Variants in ST3GAL5 observed in about 807,000 individuals in gnomAD.
ST3GAL5 encodes the protein ST3 beta-galactoside alpha-2,3-sialyltransferase 5, also known as lactosylceramide alpha-2,3-sialyltransferase.
A neutral mutation model predicts 46.1 loss-of-function variants in ST3GAL5; 25 were observed. That is an observed-to-expected ratio of 0.54 (90% confidence interval 0.40 to 0.76). ST3GAL5 has a LOEUF of 0.76. Ranked by LOEUF, ST3GAL5 falls within the 30% of genes least tolerant of loss-of-function variation. ST3GAL5 has a pLI of 0.00. For synonymous variants in ST3GAL5, 182 were observed against 192.7 expected, an observed-to-expected ratio of 0.94 and a Z score of 0.46; for missense variants, 431 against 521.2, an observed-to-expected ratio of 0.83 and a Z score of 1.69.
chr2:85,888,913 A>G lies in ST3GAL5; in HGVS notation c.-8T>C. On this transcript the variant is annotated 5_prime_UTR_variant, in exon 1 of 7. Coordinates refer to ENST00000638572, the MANE Select transcript of ST3GAL5 (RefSeq NM_003896.4). ...CGCCGCCTTCGTCCGCATACTAATG[A>G]GGGGGCGCCGGCCGGCCGCCAGCCC... is the stretch of plus-strand genomic sequence containing the variant. 1 of 1,351,006 alleles carries G rather than the reference A, an allele frequency of 7.4e-7. No homozygotes were observed. The highest frequency in any genetic ancestry group is 9.6e-7 in the Non-Finnish European group (1 of 1,044,980). The allele number at this position is 1,351,006 out of a possible 1,614,324, so 83.7% of individuals were successfully genotyped here. A position where few individuals can be genotyped will look rare whatever the true frequency, so the allele number is the denominator to read the frequency against.
chr2:85,868,797 T>C (rs1685580444), intron 1 of ST3GAL5, among the ~76,000 whole-genome samples: 3 of 151,934 alleles, frequency 2.0e-5, no homozygotes, highest in Admixed American at 6.6e-5. Context: ...TTTTGTATTT[T>C]TAGTACAGAC....
chr2:85,854,199 C>A (rs775999373), intron 3 of ST3GAL5: 6 of 152,070 alleles, frequency 3.9e-5, no homozygotes. Flanking sequence ...TTTTAGAAAT[C>A]GCTCAGCACT....
At chr2:85,874,433 C>T (rs1247685413) in intron 1 of ST3GAL5, among the ~76,000 whole-genome samples, 1 of 152,116 alleles carries the variant, frequency 6.6e-6, no homozygotes, top group Non-Finnish European at 1.5e-5. Context: ...CTCTCCTCCT[C>T]ACTCCATGTC....
chr2:85,883,853 C>A (rs149569874), intron 1 of ST3GAL5, among the ~76,000 whole-genome samples: 1 of 152,182 alleles, frequency 6.6e-6, no homozygotes, highest in East Asian at 1.9e-4. Flanking sequence ...AGTCCTCTCA[C>A]GAAGCAGGAC....
At chr2:85,859,154 G>A (rs1157378186) in intron 3 of ST3GAL5, among the ~76,000 whole-genome samples, 1 of 152,196 alleles carries the variant, frequency 6.6e-6, no homozygotes, top group Admixed American at 6.5e-5. Context: ...AGTATTCTTG[G>A]CCCTTGTACA....
At position 85,848,013 on chromosome 2, in the gene ST3GAL5, T is replaced by C; in HGVS notation, c.510A>G (p.Lys170=). 6.2e-7 allele frequency: 1 copy of C among 1,614,168 alleles called. No homozygotes were observed. The highest frequency in any genetic ancestry group is 1.7e-5 in the Admixed American group (1 of 60,016). The change falls in exon 4 of 7, where the codon AAA becomes AAG. Residue 170 remains lysine, a synonymous_variant. Coordinates refer to ENST00000638572, the MANE Select transcript of ST3GAL5 (RefSeq NM_003896.4). The part of the protein sequence containing the change: ...PPFGFRKFSS[K]VQTLLELLPE... ...GCAAGAGTTCCAAGAGGGTCTGGAC[T>C]TTACTGGAGAACTTCCGGAACCCAA...
intron 3 of ST3GAL5, among the ~76,000 whole-genome samples, chr2:85,856,917 T>A (rs1573628807): frequency 6.7e-6 from 1 of 150,074 alleles, no homozygotes; most frequent in African/African-American, 2.5e-5. Flanking sequence ...GTTAATTATA[T>A]CTCAATAAAA....
chr2:85,876,874 A>G (rs1010806081), intron 1 of ST3GAL5, among the ~76,000 whole-genome samples: 2 of 152,198 alleles, frequency 1.3e-5, no homozygotes, highest in East Asian at 1.9e-4. Context: ...GAAAAGCCCT[A>G]TGGTGGCTTC....
chr2:85,861,389 T>C (rs1383817831), intron 2 of ST3GAL5, 97 bp from the exon 3 acceptor site: 2 of 801,226 alleles, frequency 2.5e-6, no homozygotes, highest in Non-Finnish European at 2.2e-6. Flanking sequence ...GTCTGCCTGC[T>C]ATGCAGCATA....
intron 1 of ST3GAL5, among the ~76,000 whole-genome samples, chr2:85,879,786 C>T (rs948152627): frequency 6.6e-6 from 1 of 152,138 alleles, no homozygotes; most frequent in African/African-American, 2.4e-5. Context: ...AATTCTGGGA[C>T]CCAGTACCCA....
chr2:85,888,936 C>T lies in ST3GAL5; in HGVS notation c.-31G>A. ...TGAGGGGGCGCCGGCCGGCCGCCAG[C>T]CCGGTACCCCGCGCCCCCACCCGCC... On this transcript the variant is annotated 5_prime_UTR_variant, in exon 1 of 7. Coordinates refer to ENST00000638572, the MANE Select transcript of ST3GAL5 (RefSeq NM_003896.4). The T allele has an allele frequency of 7.7e-7, 1 of 1,304,966 alleles. No individual in the cohort carries two copies. The highest frequency in any genetic ancestry group is 9.8e-7 in the Non-Finnish European group (1 of 1,025,212). 80.8% of individuals were successfully genotyped at this position (1,304,966 alleles called of 1,614,324 possible).
At chr2:85,867,811 G>T (rs1163040789) in intron 1 of ST3GAL5, 1 of 647,862 alleles carries the variant, frequency 1.5e-6, no homozygotes, top group South Asian at 1.7e-5. Context: ...TGACCTAAGG[G>T]CAAGATTTAC....
chr2:85,851,437 G>A (rs1439341638), intron 3 of ST3GAL5: 12 of 1,218,740 alleles, frequency 9.8e-6, no homozygotes, highest in Non-Finnish European at 1.3e-5. Context: ...TTTTTCTGTA[G>A]AGAGCTCACA....
rs747318909 is a variant in ST3GAL5 at position 85,844,447 on chromosome 2, A to C, written c.957T>G (p.Phe319Leu). The change falls in exon 6 of 7, where the codon TTT becomes TTG. Residue 319 changes from phenylalanine to leucine, a missense_variant. Physicochemically the swap from Phe to Leu is conservative, Grantham distance 22. Transcript: ENST00000638572. ...GAGGCTCTGAGTACTGAAGGATGTC[A>C]AAGGCAGTCTCTTTGATGATAACTG... ...LNPVIIKETA[F>L]DILQYSEPQS... is the part of the protein sequence containing the mutation. 8.7e-6 allele frequency: 14 copies of C among 1,614,118 alleles called. No homozygotes were observed. The East Asian group carries it at 2.7e-4, about 31-fold the overall frequency.
chr2:85,854,190 T>C (rs912144056), intron 3 of ST3GAL5: 3 of 152,158 alleles, frequency 2.0e-5, no homozygotes, highest in African/African-American at 7.2e-5. Flanking sequence ...AAAGTAACCT[T>C]TTAGAAATCG....
intron 3 of ST3GAL5, chr2:85,855,445 A>C (rs1466071374): frequency 6.6e-6 from 1 of 152,178 alleles, no homozygotes. Flanking sequence ...GGACTAATAT[A>C]CCATATACAA....
chr2:85,874,864 C>T (rs557653151), intron 1 of ST3GAL5, among the ~76,000 whole-genome samples: 16 of 151,346 alleles, frequency 1.1e-4, no homozygotes, highest in Non-Finnish European at 2.2e-4. Flanking sequence ...ACTGTGAAGA[C>T]CAGACCTTCC....
At chr2:85,844,683 C>T (rs1033301525) in intron 5 of ST3GAL5, 129 bp from the exon 6 acceptor site, 22 of 1,265,396 alleles carry the variant, frequency 1.7e-5, no homozygotes, top group Non-Finnish European at 2.3e-5. Flanking sequence ...AAGCAATCTA[C>T]TCCTATAGAT....
At chr2:85,860,599 A>G (rs537512532) in intron 3 of ST3GAL5, among the ~76,000 whole-genome samples, 43 of 152,192 alleles carry the variant, frequency 2.8e-4, no homozygotes, top group Non-Finnish European at 5.3e-4. Context: ...CTGGCCAGGC[A>G]TGGTGGCTCA....
Sources: allele counts gnomAD v4.1 joint callset (sites outside exome capture counted in the v4.1 genomes callset), GRCh38; gene constraint gnomAD v4.1.1; transcripts MANE v1.5; gene names NCBI Gene and HGNC (gene_info 2026-07-23, HGNC 2026-07-21).